Variants in PLVAP observed in about 807,000 individuals in gnomAD.
PLVAP encodes the protein plasmalemma vesicle-associated protein.
PLVAP carries 34 observed loss-of-function variants against 43.1 expected under a neutral mutation model. The ratio of observed to expected loss-of-function variants is 0.79; its 90% confidence interval spans 0.60 to 1.05. The LOEUF is 1.05. Among genes scored for constraint, PLVAP ranks in the 50% least tolerant of loss-of-function variants. The probability of loss-of-function intolerance (pLI) is 0.00; values close to 1 mark genes in which losing one functional copy is unlikely to be tolerated. For missense variants in PLVAP, 574 were observed against 593.4 expected (o/e 0.97, Z 0.34); for synonymous variants, 241 against 237.3 (o/e 1.02, Z -0.14).
intron 5 of PLVAP, among the ~76,000 whole-genome samples, chr19:17,355,251 A>ATAG (rs1244259816): frequency 6.8e-6 from 1 of 147,836 alleles, no homozygotes; most frequent in Non-Finnish European, 1.5e-5. Flanking sequence ...AATAATAATA[A>ATAG]TAATAATAAT....
chr19:17,359,350 G>C (rs1019547607), intron 5 of PLVAP, among the ~76,000 whole-genome samples: 28 of 151,062 alleles, frequency 1.9e-4, no homozygotes, highest in Admixed American at 8.6e-4. Flanking sequence ...CTGAGCTCAA[G>C]TGATCCGCCC....
chr19:17,373,208 G>C (rs972036088), intron 1 of PLVAP, among the ~76,000 whole-genome samples: 4 of 151,874 alleles, frequency 2.6e-5, no homozygotes, highest in African/African-American at 7.2e-5. Flanking sequence ...GAGGGGCACA[G>C]TTATGCCCTG....
chr19:17,359,429 CAG>C (rs1300356145), intron 5 of PLVAP, among the ~76,000 whole-genome samples: 3 of 149,928 alleles, frequency 2.0e-5, no homozygotes, highest in Non-Finnish European at 3.0e-5. Context: ...TTTTTTGAGA[CAG>C]AGTCTTGCTC....
intron 5 of PLVAP, among the ~76,000 whole-genome samples, chr19:17,354,041 G>T (rs2074496508): frequency 6.6e-6 from 1 of 152,170 alleles, no homozygotes; most frequent in South Asian, 2.1e-4. Flanking sequence ...TGTAATCCCA[G>T]CACTTTGGGA....
At chr19:17,372,906 C>CAA (rs200158805) in intron 1 of PLVAP, among the ~76,000 whole-genome samples, 35 of 144,842 alleles carry the variant, frequency 2.4e-4, no homozygotes, top group Admixed American at 9.0e-4. Context: ...ACTAAAAATA[C>CAA]AAAAAAAAAA....
At chr19:17,361,150 A>T (rs1044388618) in intron 3 of PLVAP, among the ~76,000 whole-genome samples, 3 of 152,058 alleles carry the variant, frequency 2.0e-5, no homozygotes, top group African/African-American at 7.2e-5. Flanking sequence ...TCCTGACCTC[A>T]GGTGATCTGC....
In PLVAP at chr19:17,352,234, G is replaced by T; in HGVS notation, c.*128C>A. 7.7e-7 allele frequency: 1 copy of T among 1,300,334 alleles called. No homozygotes were observed. 80.5% of individuals were successfully genotyped at this position (1,300,334 alleles called of 1,614,324 possible). On this transcript the variant is annotated 3_prime_UTR_variant, in exon 6 of 6. Coordinates refer to ENST00000252590, the MANE Select transcript of PLVAP (RefSeq NM_031310.3). ...ACTAGGGGTTTGCATGCAGGGAGTT[G>T]TCTGATGGTGGCCCTGGGTGGTTGG...
chr19:17,371,690 C>T (rs917918188), intron 1 of PLVAP, among the ~76,000 whole-genome samples: 8 of 151,974 alleles, frequency 5.3e-5, no homozygotes, highest in Non-Finnish European at 1.2e-4. Flanking sequence ...ACCATGTTGC[C>T]CAGGCTGGTC....
chr19:17,359,059 C>T (rs921756258), intron 5 of PLVAP, among the ~76,000 whole-genome samples: 1 of 152,010 alleles, frequency 6.6e-6, no homozygotes, highest in African/African-American at 2.4e-5. Context: ...CTCGGCCTCC[C>T]AAAGTGCTGG....
chr19:17,363,694 C>T (rs2074536882), intron 3 of PLVAP, among the ~76,000 whole-genome samples: 1 of 151,832 alleles, frequency 6.6e-6, no homozygotes, highest in Non-Finnish European at 1.5e-5. Flanking sequence ...CACTTCTCAG[C>T]CTCCCAAGTA....
At position 17,351,989 on chromosome 19, in the gene PLVAP, G is replaced by A. The variant is rs1051892983; in HGVS notation, c.*373C>T. The A allele has an allele frequency of 1.6e-5, 5 of 318,528 alleles. No homozygotes were observed. Among genetic ancestry groups the A allele is most frequent in the African/African-American group, 1.1e-4 (5 of 47,498 alleles). The allele number at this position is 318,528 out of a possible 1,614,324, so 19.7% of individuals were successfully genotyped here. On this transcript the variant is annotated 3_prime_UTR_variant, in exon 6 of 6. Transcript: ENST00000252590. ...CGACATGGCCCGTGACGTCGTTGCT[G>A]CATCTCGGTGTGACGTCATGCCAAG...
intron 1 of PLVAP, among the ~76,000 whole-genome samples, chr19:17,376,287 C>T (rs541129743): frequency 4.1e-4 from 63 of 152,150 alleles, no homozygotes; most frequent in South Asian, 8.3e-4. Context: ...CCCAGGAGTT[C>T]GAGACTAGCC....
At chr19:17,370,698 G>A (rs996061186) in intron 1 of PLVAP, among the ~76,000 whole-genome samples, 7 of 152,226 alleles carry the variant, frequency 4.6e-5, no homozygotes, top group Admixed American at 4.6e-4. Flanking sequence ...AGGTGAAAAT[G>A]TTCTAAAATA....
chr19:17,368,907 G>C (rs2074560646), intron 1 of PLVAP, among the ~76,000 whole-genome samples: 1 of 152,182 alleles, frequency 6.6e-6, no homozygotes, highest in African/African-American at 2.4e-5. Flanking sequence ...AACTCGGGGA[G>C]GCGGAGGTTG....
chr19:17,372,015 G>A (rs901559896), intron 1 of PLVAP, among the ~76,000 whole-genome samples: 2 of 150,638 alleles, frequency 1.3e-5, no homozygotes, highest in Non-Finnish European at 2.9e-5. Flanking sequence ...AGGAGGCTGA[G>A]GTGGGAACAC....
At chr19:17,370,917 G>T (rs188091858) in intron 1 of PLVAP, among the ~76,000 whole-genome samples, 1,715 of 151,476 alleles carry the variant, frequency 0.011, 30 homozygotes, top group African/African-American at 0.039. Context: ...TTAGCCAGGC[G>T]TGGTGGCGGG....
chr19:17,376,521 G>T (rs2074595865), intron 1 of PLVAP, among the ~76,000 whole-genome samples: 1 of 152,024 alleles, frequency 6.6e-6, no homozygotes, highest in African/African-American at 2.4e-5. Context: ...CTATCGGCCG[G>T]GTGCAGTGGC....
At chr19:17,356,381 C>T (rs868253378) in intron 5 of PLVAP, among the ~76,000 whole-genome samples, 6 of 152,110 alleles carry the variant, frequency 3.9e-5, no homozygotes, top group Admixed American at 2.6e-4. Flanking sequence ...TGGGGCCCTG[C>T]GTCGGCCATC....
intron 5 of PLVAP, among the ~76,000 whole-genome samples, chr19:17,355,367 TA>T (rs1461820622): frequency 6.6e-6 from 1 of 151,958 alleles, no homozygotes; most frequent in Middle Eastern, 3.2e-3. Context: ...ATTTGCCATT[TA>T]AAAAACGTTT....
Sources: allele counts gnomAD v4.1 joint callset (sites outside exome capture counted in the v4.1 genomes callset), GRCh38; gene constraint gnomAD v4.1.1; transcripts MANE v1.5; gene names NCBI Gene and HGNC (gene_info 2026-07-23, HGNC 2026-07-21).